The following HNRNPA1L2 variants were observed in gnomAD, a reference collection of about 807,000 sequenced individuals.
HNRNPA1L2 encodes the protein heterogeneous nuclear ribonucleoprotein A1 like 2.
HNRNPA1L2 carries 10 observed loss-of-function variants against 18.2 expected under a neutral mutation model. The ratio of observed to expected loss-of-function variants is 0.55; its 90% confidence interval spans 0.34 to 0.93. HNRNPA1L2 has a LOEUF of 0.93. HNRNPA1L2 is among the 40% of genes least tolerant of loss of function. The probability of loss-of-function intolerance (pLI) is 0.02; values close to 1 mark genes in which losing one functional copy is unlikely to be tolerated. For synonymous variants in HNRNPA1L2, 124 were observed against 138.6 expected (o/e 0.89, Z 0.74); for missense variants, 308 against 394.4 (o/e 0.78, Z 1.85).
the HNRNPA1L2 span, chr13:52,617,703 T>C: frequency 1.2e-4 from 51 of 438,772 alleles, no homozygotes; most frequent in Non-Finnish European, 1.9e-4. Context: ...TCAGCACTTT[T>C]GGCTCCGCAG....
At chr13:52,626,343 C>T in the HNRNPA1L2 span, among the ~76,000 whole-genome samples, 107 of 150,502 alleles carry the variant, frequency 7.1e-4, no homozygotes, top group African/African-American at 2.5e-3. Flanking sequence ...GTAGTCCAAG[C>T]TACTCAGGAA....
chr13:52,626,378 C>T, the HNRNPA1L2 span, among the ~76,000 whole-genome samples: 1 of 149,562 alleles, frequency 6.7e-6, no homozygotes. Context: ...ATTGCTTGAA[C>T]CCAGGACTTC....
At chr13:52,624,699 T>C in the HNRNPA1L2 span, among the ~76,000 whole-genome samples, 279 of 152,322 alleles carry the variant, frequency 1.8e-3, 2 homozygotes, top group African/African-American at 6.3e-3. Flanking sequence ...GCATTTGTTA[T>C]ATTAGGTATT....
At chr13:52,624,374 A>C in the HNRNPA1L2 span, among the ~76,000 whole-genome samples, 2 of 152,126 alleles carry the variant, frequency 1.3e-5, no homozygotes, top group African/African-American at 4.8e-5. Context: ...GGCCTCCCCA[A>C]GTGCTGGGAT....
the HNRNPA1L2 span, among the ~76,000 whole-genome samples, chr13:52,621,222 T>G: frequency 1.8e-4 from 27 of 152,194 alleles, no homozygotes; most frequent in Non-Finnish European, 4.4e-5. Context: ...ATTTGTGGTG[T>G]TCTCTTTCAT....
chr13:52,640,117 T>G (rs1313975421), upstream of HNRNPA1L2, among the ~76,000 whole-genome samples: 1 of 152,152 alleles, frequency 6.6e-6, no homozygotes, highest in African/African-American at 2.4e-5. Flanking sequence ...GATGTGTGTA[T>G]TTTTGTAGAA....
upstream of HNRNPA1L2, among the ~76,000 whole-genome samples, chr13:52,639,896 G>GTTTTTTTTTTTTTTT (rs1199414232): frequency 2.8e-5 from 2 of 70,696 alleles, 1 homozygote. Flanking sequence ...TTTTTTTTTT[G>GTTTTTTTTTTTTTTT]TTTTTTTTTT....
At chr13:52,634,401 T>A in the HNRNPA1L2 span, among the ~76,000 whole-genome samples, 1 of 152,208 alleles carries the variant, frequency 6.6e-6, no homozygotes, top group East Asian at 1.9e-4. Context: ...ATGTATTTTA[T>A]AAAACAGTAT....
At chr13:52,623,389 T>C in the HNRNPA1L2 span, among the ~76,000 whole-genome samples, 1 of 152,348 alleles carries the variant, frequency 6.6e-6, no homozygotes, top group South Asian at 2.1e-4. Context: ...CATCATACCC[T>C]TAGATTGCTT....
upstream of HNRNPA1L2, among the ~76,000 whole-genome samples, chr13:52,639,896 G>GTTTT: frequency 1.4e-5 from 1 of 70,704 alleles, no homozygotes; most frequent in South Asian, 4.6e-4. Flanking sequence ...TTTTTTTTTT[G>GTTTT]TTTTTTTTTT....
At chr13:52,617,785 C>T in the HNRNPA1L2 span, 3 of 406,394 alleles carry the variant, frequency 7.4e-6, no homozygotes, top group East Asian at 3.6e-5. Flanking sequence ...GATGTTATTA[C>T]CTGCTGGGTT....
At position 52,642,740 on chromosome 13, in the gene HNRNPA1L2, T is replaced by G. The variant is rs1000881591; in HGVS notation, c.248T>G (p.Val83Gly). 2 of 1,599,826 alleles carry G rather than the reference T, an allele frequency of 1.3e-6. No homozygotes were observed. Among genetic ancestry groups the G allele is most frequent in the Non-Finnish European group, 1.7e-6 (2 of 1,179,630 alleles). ...NTTPHKVDGR[V>G]VEPKRAVSRE... ...ACGCCACACAAGGTGGATGGAAGAG[T>G]TGTGGAACCAAAGAGAGCTGTCTCC... Residue 83 changes from valine to glycine, a missense_variant, in exon 1 of 1, where the codon GTT becomes GGT. Val to Gly is a moderately radical substitution (Grantham distance 109). Coordinates refer to ENST00000357495, the MANE Select transcript of HNRNPA1L2 (RefSeq NM_001389320.1).
rs749171800 is a variant in HNRNPA1L2, at chr13:52,642,755, G to C, written c.263G>C (p.Arg88Thr). Reference protein sequence around the residue: ...KVDGRVVEPKRAVSREDSQRP... With the variant: ...KVDGRVVEPKTAVSREDSQRP... ...GATGGAAGAGTTGTGGAACCAAAGA[G>C]AGCTGTCTCCAGAGAAGATTCTCAA... Residue 88 changes from arginine (R) to threonine (T), a missense_variant, in exon 1 of 1, where the codon AGA becomes ACA. Physicochemically the swap from Arg to Thr is moderately conservative, Grantham distance 71. Transcript: ENST00000357495. The C allele has an allele frequency of 1.3e-6, 2 of 1,599,108 alleles. No homozygotes were observed. The highest frequency in any genetic ancestry group is 4.5e-5 in the East Asian group (2 of 44,876).
chr13:52,622,824 A>T, the HNRNPA1L2 span, among the ~76,000 whole-genome samples: 1 of 151,954 alleles, frequency 6.6e-6, no homozygotes, highest in African/African-American at 2.4e-5. Context: ...TGCAATCAGT[A>T]ATATCTTGGC....
chr13:52,638,553 C>G (rs1961537036), upstream of HNRNPA1L2, among the ~76,000 whole-genome samples: 1 of 152,158 alleles, frequency 6.6e-6, no homozygotes, highest in Admixed American at 6.5e-5. Context: ...TACCACTATT[C>G]TTAAAATTTC....
At chr13:52,639,484 T>C (rs1290537137), upstream of HNRNPA1L2, among the ~76,000 whole-genome samples, 1 of 152,150 alleles carries the variant, frequency 6.6e-6, no homozygotes, top group Non-Finnish European at 1.5e-5. Context: ...GCTTTTAAAT[T>C]GGAGAGCAGA....
chr13:52,635,831 GTTT>G, the HNRNPA1L2 span, among the ~76,000 whole-genome samples: 3 of 131,774 alleles, frequency 2.3e-5, no homozygotes, highest in Non-Finnish European at 3.2e-5. Flanking sequence ...CTGTATTACT[GTTT>G]TTTTTTTTTT....
chr13:52,620,312 T>C, the HNRNPA1L2 span, among the ~76,000 whole-genome samples: 1 of 152,218 alleles, frequency 6.6e-6, no homozygotes, highest in Non-Finnish European at 1.5e-5. Flanking sequence ...ATCTTAGGAA[T>C]CTGTGTTTTA....
the HNRNPA1L2 span, among the ~76,000 whole-genome samples, chr13:52,626,145 A>G: frequency 6.6e-6 from 1 of 152,090 alleles, no homozygotes; most frequent in Non-Finnish European, 1.5e-5. Flanking sequence ...ATATATCTCA[A>G]TTAAGTCCTT....
Sources: gnomAD v4.1 joint callset for allele counts (sites outside exome capture counted in the v4.1 genomes callset) on GRCh38, gnomAD v4.1.1 for gene constraint, MANE v1.5 for transcripts, NCBI Gene and HGNC (gene_info 2026-07-23, HGNC 2026-07-21) for gene names.